Variants in HTR4 observed in about 807,000 individuals in gnomAD.
The protein encoded by HTR4 is 5-hydroxytryptamine receptor 4, also known as 5-hydroxytryptamine (serotonin) receptor 4, G protein-coupled.
Under a neutral mutation model 36.8 loss-of-function variants are expected in HTR4, and 16 were observed. The ratio of observed to expected loss-of-function variants is 0.43; its 90% CI spans 0.29 to 0.66. The LOEUF (loss-of-function observed/expected upper bound fraction) is 0.66. HTR4 is among the 30% of genes least tolerant of loss of function. The pLI, the probability that HTR4 is intolerant of heterozygous loss-of-function variation, is 0.13. For missense variants in HTR4, 438 were observed against 490.9 expected (o/e 0.89, Z 1.02); for synonymous variants, 189 against 185.1 (o/e 1.02, Z -0.17).
chr5:148,587,726 A>C (rs1434254108), intron 2 of HTR4, among the ~76,000 whole-genome samples: 2 of 152,152 alleles, frequency 1.3e-5, no homozygotes, highest in Non-Finnish European at 2.9e-5. Flanking sequence ...GTGGGAGAGA[A>C]TGGTGTTACT....
downstream of HTR4, chr5:148,476,632 C>A (rs1755704871): frequency 1.3e-6 from 2 of 1,575,040 alleles, no homozygotes; most frequent in African/African-American, 2.7e-5. Flanking sequence ...TTCTTCCAAA[C>A]AAATACATCC....
chr5:148,627,977 C>T (rs569032887), intron 2 of HTR4, among the ~76,000 whole-genome samples: 143 of 152,328 alleles, frequency 9.4e-4, no homozygotes, highest in Non-Finnish European at 1.6e-3. Flanking sequence ...AACAACTGTA[C>T]GCTGTGGCTA....
intron 2 of HTR4, among the ~76,000 whole-genome samples, chr5:148,589,710 G>A (rs1486311090): frequency 6.6e-6 from 1 of 151,802 alleles, no homozygotes; most frequent in African/African-American, 2.4e-5. Flanking sequence ...CCAGCTTTAT[G>A]GAGATATACT....
chr5:148,451,261 A>G (rs768029951), exon 6 of HTR4: 1 of 1,613,858 alleles, frequency 6.2e-7, no homozygotes, highest in Admixed American at 1.7e-5. Flanking sequence ...TCCCCTGTGC[A>G]GAACGGTGTA....
chr5:148,618,034 C>T (rs182293549), intron 2 of HTR4, among the ~76,000 whole-genome samples: 9 of 152,118 alleles, frequency 5.9e-5, no homozygotes, highest in South Asian at 2.1e-4. Flanking sequence ...CTCTCCAAAA[C>T]GTGAGGAGAT....
At chr5:148,636,188 G>C (rs1753529020) in intron 2 of HTR4, among the ~76,000 whole-genome samples, 1 of 152,118 alleles carries the variant, frequency 6.6e-6, no homozygotes, top group Admixed American at 6.5e-5. Flanking sequence ...TTTTGTGATA[G>C]TTTTCTACTA....
In HTR4 at chr5:148,509,818, G is replaced by A. The variant is rs201852366; in HGVS notation, c.714C>T (p.Ser238=). 2.5e-6 allele frequency: 4 copies of A among 1,613,884 alleles called. No individual in the cohort carries two copies. Among genetic ancestry groups the A allele is most frequent in the East Asian group, 2.2e-5 (1 of 44,840 alleles). ...MLQRAGASSE[S]RPQSADQHST... ...TATGCTGGTCTGCCGACTGAGGCCTGCTCTCGGAGGAGGCTCCTGCCCGTT... is the reference window on the plus strand; with the variant it reads ...TATGCTGGTCTGCCGACTGAGGCCTACTCTCGGAGGAGGCTCCTGCCCGTT... Residue 238 remains serine (S), a synonymous_variant, in exon 6 of 7, where the codon AGC becomes AGT. Coordinates refer to ENST00000377888, the MANE Select transcript of HTR4 (RefSeq NM_000870.7).
At chr5:148,456,795 T>C (rs1561557877) in intron 5 of HTR4, among the ~76,000 whole-genome samples, 1 of 152,244 alleles carries the variant, frequency 6.6e-6, no homozygotes, top group Non-Finnish European at 1.5e-5. Context: ...TTCTGTGAAT[T>C]ATCACAAATG....
chr5:148,637,302 T>C (rs1262668614), intron 1 of HTR4, among the ~76,000 whole-genome samples: 1 of 152,152 alleles, frequency 6.6e-6, no homozygotes, highest in Admixed American at 6.6e-5. Context: ...GGGTGCTTCT[T>C]TTTGCTCCAT....
intron 2 of HTR4, among the ~76,000 whole-genome samples, chr5:148,609,310 C>T (rs574565326): frequency 1.3e-5 from 2 of 152,156 alleles, no homozygotes; most frequent in Non-Finnish European, 2.9e-5. Context: ...GAGACAAGAG[C>T]TGGGTATCTT....
intron 2 of HTR4, among the ~76,000 whole-genome samples, chr5:148,576,565 A>G (rs1760928864): frequency 6.6e-6 from 1 of 152,128 alleles, no homozygotes; most frequent in African/African-American, 2.4e-5. Context: ...CCTGACTTCA[A>G]ACTCCACTAC....
chr5:148,453,153 G>A lies in HTR4; in HGVS notation c.1077-1881C>T, dbSNP rs551336559. 2.8e-3 allele frequency among the ~76,000 whole-genome samples: 432 copies of A among 152,240 alleles called. 2 individuals are homozygous for A. The highest frequency in any genetic ancestry group is 4.3e-3 in the Admixed American group (66 of 15,302). ...TACCCCTCAGAGGCAGTGCTTTTCC[G>A]GAGCAGCAGCTGAGTCCAGGTTAGT... On this transcript the variant is annotated intron_variant, in intron 5 of 5. Transcript: ENST00000521530.
chr5:148,603,579 A>G (rs1561644354), intron 2 of HTR4, among the ~76,000 whole-genome samples: 1 of 152,120 alleles, frequency 6.6e-6, no homozygotes, highest in Non-Finnish European at 1.5e-5. Flanking sequence ...TGAAAGAAGC[A>G]AAACTGCCAT....
intron 4 of HTR4, among the ~76,000 whole-genome samples, chr5:148,547,387 C>T (rs746295136): frequency 1.3e-5 from 2 of 151,890 alleles, no homozygotes; most frequent in Admixed American, 6.6e-5. Context: ...GGCCTGGTGG[C>T]GGGCGCTTGT....
At chr5:148,461,926 T>G (rs895990784) in intron 5 of HTR4, 1 of 152,028 alleles carries the variant, frequency 6.6e-6, no homozygotes, top group African/African-American at 2.4e-5. Context: ...CAGGCCACAG[T>G]GGAATTAAAG....
chr5:148,596,129 T>C (rs529395731), intron 2 of HTR4, among the ~76,000 whole-genome samples: 28 of 152,334 alleles, frequency 1.8e-4, no homozygotes, highest in African/African-American at 6.5e-4. Flanking sequence ...CACAAATGTA[T>C]GAATGTATGG....
At chr5:148,460,494 T>C (rs1427655257) in intron 5 of HTR4, among the ~76,000 whole-genome samples, 1 of 150,990 alleles carries the variant, frequency 6.6e-6, no homozygotes, top group Non-Finnish European at 1.5e-5. Context: ...ATGTTTAAAG[T>C]GTTGAGAGGA....
intron 2 of HTR4, among the ~76,000 whole-genome samples, chr5:148,615,095 G>C (rs1752607982): frequency 6.6e-6 from 1 of 150,636 alleles, no homozygotes; most frequent in African/African-American, 2.4e-5. Context: ...CTGTAAACTA[G>C]TTCAACCATT....
At chr5:148,557,202 G>A (rs1232303165) in intron 2 of HTR4, among the ~76,000 whole-genome samples, 1 of 152,088 alleles carries the variant, frequency 6.6e-6, no homozygotes, top group East Asian at 1.9e-4. Flanking sequence ...TATGCCAGGG[G>A]TTTCTGCAGG....
Sources: gnomAD v4.1 joint callset for allele counts (sites outside exome capture counted in the v4.1 genomes callset) on GRCh38, gnomAD v4.1.1 for gene constraint, MANE v1.5 for transcripts, NCBI Gene and HGNC (gene_info 2026-07-23, HGNC 2026-07-21) for gene names.